Variants in CDH13 observed in about 807,000 individuals in gnomAD.
The protein encoded by CDH13 is cadherin 13, also known as cadherin-13.
CDH13 carries 24 observed loss-of-function variants against 63.8 expected under a neutral mutation model. That is an observed-to-expected ratio of 0.38 (90% CI 0.27 to 0.53). The LOEUF is 0.53. CDH13 is among the 20% of genes least tolerant of loss of function. The pLI, the probability that CDH13 is intolerant of heterozygous loss-of-function variation, is 0.85. For missense variants in CDH13, 1,049 were observed against 903.1 expected (o/e 1.16, Z -2.07); for synonymous variants, 503 against 355.3 (o/e 1.42, Z -4.67).
chr16:82,941,549 C>A (rs1292027004), intron 2 of CDH13, among the ~76,000 whole-genome samples: 1 of 152,290 alleles, frequency 6.6e-6, no homozygotes, highest in Middle Eastern at 3.4e-3. Flanking sequence ...TTACATAAAG[C>A]ATTGTGTGGA....
intron 7 of CDH13, among the ~76,000 whole-genome samples, chr16:83,555,803 T>C (rs186434429): frequency 6.6e-6 from 1 of 152,348 alleles, no homozygotes; most frequent in African/African-American, 2.4e-5. Flanking sequence ...TTCCAGAAAG[T>C]AAAATATTTT....
At chr16:82,806,773 A>G (rs372006798) in intron 1 of CDH13, among the ~76,000 whole-genome samples, 1 of 152,190 alleles carries the variant, frequency 6.6e-6, no homozygotes. Context: ...AGTGAAATAC[A>G]GTCCTGTTTC....
intron 2 of CDH13, among the ~76,000 whole-genome samples, chr16:82,995,114 A>G (rs985636968): frequency 6.6e-5 from 10 of 152,180 alleles, no homozygotes; most frequent in African/African-American, 2.4e-4. Context: ...AATCATCACT[A>G]TCAATTATCA....
chr16:83,400,477 A>G (rs1237717884), intron 6 of CDH13, among the ~76,000 whole-genome samples: 1 of 152,214 alleles, frequency 6.6e-6, no homozygotes, highest in Non-Finnish European at 1.5e-5. Flanking sequence ...AACTTCCTGA[A>G]GGAATGAAGC....
chr16:83,152,601 T>G (rs1164666921), intron 4 of CDH13, among the ~76,000 whole-genome samples: 1 of 152,160 alleles, frequency 6.6e-6, no homozygotes, highest in African/African-American at 2.4e-5. Flanking sequence ...CAATTGGTCA[T>G]CCAATCTGGG....
intron 7 of CDH13, among the ~76,000 whole-genome samples, chr16:83,521,383 A>G (rs937194894): frequency 6.6e-6 from 1 of 152,228 alleles, no homozygotes; most frequent in Non-Finnish European, 1.5e-5. Flanking sequence ...AATGGAAAAA[A>G]AATTGTATTT....
intron 1 of CDH13, among the ~76,000 whole-genome samples, chr16:82,693,619 C>T (rs948275791): frequency 1.3e-5 from 2 of 152,192 alleles, no homozygotes; most frequent in African/African-American, 2.4e-5. Flanking sequence ...TGCCAAGATG[C>T]AGGACCACAT....
At chr16:83,518,148 T>TTGTTC (rs1019516804) in intron 7 of CDH13, among the ~76,000 whole-genome samples, 3 of 151,096 alleles carry the variant, frequency 2.0e-5, no homozygotes, top group African/African-American at 7.3e-5. Context: ...TGATGGTCTT[T>TTGTTC]TGTTTTGTTT....
intron 3 of CDH13, among the ~76,000 whole-genome samples, chr16:83,067,771 G>GT (rs1241526661): frequency 2.6e-5 from 4 of 152,172 alleles, no homozygotes; most frequent in African/African-American, 9.7e-5. Flanking sequence ...GAGCAGAGTA[G>GT]TAATCTCTCT....
chr16:82,664,346 G>T (rs1912336810), intron 1 of CDH13, among the ~76,000 whole-genome samples: 1 of 152,334 alleles, frequency 6.6e-6, no homozygotes, highest in Non-Finnish European at 1.5e-5. Flanking sequence ...ACAGTGATTT[G>T]CACTAGCTGA....
intron 4 of CDH13, among the ~76,000 whole-genome samples, chr16:83,165,083 G>GAAAAAAAAA (rs397774378): frequency 7.8e-6 from 1 of 127,434 alleles, no homozygotes. Flanking sequence ...AGAAGCAGGA[G>GAAAAAAAAA]AAAAAAAAAA....
intron 1 of CDH13, among the ~76,000 whole-genome samples, chr16:82,653,516 C>T (rs1005354842): frequency 5.9e-5 from 9 of 152,102 alleles, no homozygotes; most frequent in African/African-American, 4.8e-5. Context: ...CTGGATGTAC[C>T]TGCACAAAGC....
intron 7 of CDH13, among the ~76,000 whole-genome samples, chr16:83,527,638 T>G (rs1013669429): frequency 6.6e-6 from 1 of 152,136 alleles, no homozygotes; most frequent in African/African-American, 2.4e-5. Context: ...CTTTTTCATT[T>G]GTAAGTTAGT....
intron 1 of CDH13, among the ~76,000 whole-genome samples, chr16:82,638,831 T>TGC (rs1567578790): frequency 1.4e-4 from 22 of 152,222 alleles, no homozygotes; most frequent in African/African-American, 3.6e-4. Flanking sequence ...TGTGCGTGTG[T>TGC]GCGTTTGTGT....
rs1229435710 is a variant in CDH13 at position 82,842,139 on chromosome 16, CACATAT to C, written c.46-16221_46-16216del. Among the ~76,000 whole-genome samples, 128 of 57,112 alleles carry C rather than the reference CACATAT, an allele frequency of 2.2e-3. 1 individual carries two copies. The highest frequency in any genetic ancestry group is 5.9e-3 in the African/African-American group (92 of 15,586). 37.5% of individuals were successfully genotyped at this position (57,112 alleles called of 152,430 possible). ...ATATATATATATATATATATATATA[CACATAT>C]ATATATATATATATATATACACACA... On this transcript the variant is annotated intron_variant, in intron 1 of 13. Transcript: ENST00000567109.
At chr16:83,486,277 A>T (rs2073886910) in intron 6 of CDH13, among the ~76,000 whole-genome samples, 200 bp from the exon 7 acceptor site, 1 of 152,248 alleles carries the variant, frequency 6.6e-6, no homozygotes, top group Non-Finnish European at 1.5e-5. Context: ...TCTTTATTTC[A>T]GGTCTTTTCA....
At chr16:82,869,739 C>G (rs756688269) in intron 2 of CDH13, among the ~76,000 whole-genome samples, 1 of 152,106 alleles carries the variant, frequency 6.6e-6, no homozygotes, top group Non-Finnish European at 1.5e-5. Context: ...AAAGGACAGT[C>G]TTTTCAATAA....
At chr16:82,903,276 A>G (rs947668537) in intron 2 of CDH13, among the ~76,000 whole-genome samples, 2 of 152,206 alleles carry the variant, frequency 1.3e-5, no homozygotes, top group Non-Finnish European at 2.9e-5. Context: ...TTGAGTTTGC[A>G]TGGCAACCCT....
chr16:83,001,033 GAA>G (rs755600646), intron 2 of CDH13, among the ~76,000 whole-genome samples: 13 of 152,164 alleles, frequency 8.5e-5, no homozygotes, highest in Non-Finnish European at 1.5e-4. Context: ...CTTGTCTCCT[GAA>G]AAACACATAG....
Sources: gnomAD v4.1 joint callset for allele counts (sites outside exome capture counted in the v4.1 genomes callset) on GRCh38, gnomAD v4.1.1 for gene constraint, MANE v1.5 for transcripts, NCBI Gene and HGNC (gene_info 2026-07-23, HGNC 2026-07-21) for gene names.